Variants in HMGN5 observed in about 807,000 individuals in gnomAD.
HMGN5 encodes the protein high mobility group nucleosome-binding domain-containing protein 5.
HMGN5 carries 4 observed loss-of-function variants against 9.5 expected under a neutral mutation model. The observed-to-expected ratio is 0.42, with a 90% CI of 0.21 to 0.96. HMGN5 has a LOEUF of 0.96. Among genes scored for constraint, HMGN5 ranks in the 40% least tolerant of loss-of-function variants. The pLI, the probability that HMGN5 is intolerant of heterozygous loss-of-function variation, is 0.30. For synonymous variants in HMGN5, 55 were observed against 57.1 expected (o/e 0.96, Z 0.16); for missense variants, 192 against 187.5 (o/e 1.02, Z -0.14).
chrX:81,120,958 C>T (rs1367779431), intron 2 of HMGN5, among the ~76,000 whole-genome samples: 1 of 110,752 alleles, frequency 9.0e-6, no homozygotes, highest in East Asian at 2.8e-4. Context: ...CTAATTACAG[C>T]GGTGAATCTC....
chrX:81,162,994 C>T (rs759185282), intron 1 of HMGN5, among the ~76,000 whole-genome samples: 1 of 111,533 alleles, frequency 9.0e-6, no homozygotes, highest in East Asian at 2.8e-4. Context: ...CTGCGTTCCC[C>T]TCCATTCAAT....
intron 1 of HMGN5, among the ~76,000 whole-genome samples, chrX:81,159,649 G>A (rs1260219195): frequency 9.1e-6 from 1 of 109,556 alleles, no homozygotes; most frequent in Non-Finnish European, 1.9e-5. Context: ...GGATAATTTT[G>A]TCTCTCTTGG....
At chrX:81,153,579 CTCTCTATATATATATATATATATATATA>C (rs1302165123) in intron 1 of HMGN5, among the ~76,000 whole-genome samples, 170 of 10,585 alleles carry the variant, frequency 0.016, 7 homozygotes, top group Non-Finnish European at 0.024. Context: ...CTCTCTCTCT[CTCTCTATATATATATATATATATATATA>C]TATATATATA....
intron 1 of HMGN5, among the ~76,000 whole-genome samples, chrX:81,177,296 T>C (rs964112117): frequency 3.5e-5 from 3 of 86,470 alleles, no homozygotes; most frequent in Non-Finnish European, 6.3e-5. Context: ...GACAAGCAAA[T>C]GCCAAGAGAT....
intron 1 of HMGN5, among the ~76,000 whole-genome samples, chrX:81,134,383 T>A (rs1399323390): frequency 9.0e-6 from 1 of 111,607 alleles, no homozygotes; most frequent in Admixed American, 9.6e-5. Flanking sequence ...GAGCTTCACA[T>A]TTCATTATTA....
intron 6 of HMGN5, among the ~76,000 whole-genome samples, chrX:81,115,943 A>C (rs2075251936): frequency 8.9e-6 from 1 of 111,912 alleles, no homozygotes; most frequent in Non-Finnish European, 1.9e-5. Context: ...TTTAATAAGA[A>C]GGTTGTTATG....
At chrX:81,144,120 T>G (rs1286249520) in intron 1 of HMGN5, among the ~76,000 whole-genome samples, 1 of 111,674 alleles carries the variant, frequency 9.0e-6, no homozygotes, top group Non-Finnish European at 1.9e-5. Context: ...AAAGAGCATC[T>G]GATCTCCCAG....
At chrX:81,142,932 A>G (rs1793729747) in intron 1 of HMGN5, among the ~76,000 whole-genome samples, 1 of 112,031 alleles carries the variant, frequency 8.9e-6, no homozygotes, top group African/African-American at 3.2e-5. Flanking sequence ...CAAGACATAG[A>G]CAATACAATA....
At chrX:81,184,534 G>T (rs974930333) in intron 1 of HMGN5, among the ~76,000 whole-genome samples, 1 of 110,464 alleles carries the variant, frequency 9.1e-6, no homozygotes, top group Admixed American at 9.6e-5. Context: ...CTCCCACTGG[G>T]TGGGTTGTCT....
At chrX:81,123,526 G>A (rs907589922) in intron 1 of HMGN5, among the ~76,000 whole-genome samples, 4 of 111,770 alleles carry the variant, frequency 3.6e-5, no homozygotes, top group Non-Finnish European at 7.5e-5. Context: ...CATAAAAATT[G>A]ATTTTAATAT....
Position 81,115,115 on chromosome X carries a change from T to G in HMGN5, c.383A>C (p.Glu128Ala). Residue 128 changes from glutamate to alanine, a missense_variant, in exon 7 of 7, where the codon GAA becomes GCA. Transcript: ENST00000358130. ...AVAAEVKNEE[E>A]DQKEDEEDQN... is the part of the protein sequence containing the mutation. ...ATCTTCTTCATCTTCTTTCTGATCTTCTTCTTCATTTTTTACTTCTGCTGC... is the reference window on the plus strand; with the variant it reads ...ATCTTCTTCATCTTCTTTCTGATCTGCTTCTTCATTTTTTACTTCTGCTGC... 8.6e-7 allele frequency: 1 copy of G among 1,163,382 alleles called. No individual in the cohort carries two copies. Among genetic ancestry groups the G allele is most frequent in the Non-Finnish European group, 1.1e-6 (1 of 871,588 alleles).
At chrX:81,128,369 G>T (rs1272920652) in intron 1 of HMGN5, among the ~76,000 whole-genome samples, 4 of 110,981 alleles carry the variant, frequency 3.6e-5, no homozygotes, top group African/African-American at 1.3e-4. Context: ...AATAAACTAA[G>T]CATATCTTTG....
intron 1 of HMGN5, among the ~76,000 whole-genome samples, chrX:81,196,390 C>T (rs2075508258): frequency 9.2e-6 from 1 of 109,237 alleles, no homozygotes; most frequent in Non-Finnish European, 1.9e-5. Flanking sequence ...TGTCCCCATC[C>T]AAATTTCATC....
intron 1 of HMGN5, among the ~76,000 whole-genome samples, chrX:81,143,767 C>T (rs1782961794): frequency 8.9e-6 from 1 of 112,401 alleles, no homozygotes; most frequent in South Asian, 3.6e-4. Context: ...GAAATTCTCA[C>T]TGTTAGCAGT....
At chrX:81,121,037 C>A (rs1427369637) in intron 2 of HMGN5, among the ~76,000 whole-genome samples, 1 of 108,104 alleles carries the variant, frequency 9.3e-6, no homozygotes, top group Non-Finnish European at 1.9e-5. Context: ...AGCCATCTGG[C>A]CTGACAAGAA....
chrX:81,126,768 T>C (rs976331051), intron 1 of HMGN5, among the ~76,000 whole-genome samples: 2 of 111,902 alleles, frequency 1.8e-5, no homozygotes, highest in Non-Finnish European at 1.9e-5. Context: ...ATTAATTGTA[T>C]ATATTAAGAT....
intron 1 of HMGN5, among the ~76,000 whole-genome samples, chrX:81,132,469 G>T (rs1435541149): frequency 9.0e-6 from 1 of 111,131 alleles, no homozygotes; most frequent in Non-Finnish European, 1.9e-5. Context: ...CTATACTACA[G>T]GGCTAAATAA....
chrX:81,156,823 C>A (rs968093643), intron 1 of HMGN5, among the ~76,000 whole-genome samples: 6 of 110,172 alleles, frequency 5.4e-5, no homozygotes, highest in Non-Finnish European at 1.1e-4. Flanking sequence ...GATTTCTTGT[C>A]TTGCACTCTG....
intron 1 of HMGN5, among the ~76,000 whole-genome samples, chrX:81,162,815 G>C (rs1017330251): frequency 1.8e-5 from 2 of 111,352 alleles, no homozygotes; most frequent in African/African-American, 6.5e-5. Context: ...TAGAGGTCTT[G>C]GAGGAGGGAA....
Sources: gnomAD v4.1 joint callset for allele counts (sites outside exome capture counted in the v4.1 genomes callset) on GRCh38, gnomAD v4.1.1 for gene constraint, MANE v1.5 for transcripts, NCBI Gene and HGNC (gene_info 2026-07-23, HGNC 2026-07-21) for gene names.